CCDC7: variants seen among roughly 807,000 people sequenced by gnomAD.
CCDC7 encodes the protein coiled-coil domain containing 7.
CCDC7 carries 183 observed loss-of-function variants against 196.9 expected under a neutral mutation model. The observed-to-expected ratio is 0.93, with a 90% CI of 0.82 to 1.05. The LOEUF (loss-of-function observed/expected upper bound fraction) is 1.05. CCDC7 is among the 50% of genes least tolerant of loss of function. CCDC7 has a pLI of 0.00. For missense variants in CCDC7, 1,540 were observed against 1,482.2 expected (o/e 1.04, Z -0.64); for synonymous variants, 525 against 484.6 (o/e 1.08, Z -1.10).
At chr10:32,717,591 G>GT (rs201051105) in intron 25 of CCDC7, among the ~76,000 whole-genome samples, 4,590 of 151,592 alleles carry the variant, frequency 0.03, 96 homozygotes, top group Non-Finnish European at 0.049. Context: ...TTCAGGAGCT[G>GT]TTTTTTTGAA....
intron 18 of CCDC7, among the ~76,000 whole-genome samples, chr10:32,602,526 C>G (rs1005274152): frequency 4.6e-5 from 7 of 152,174 alleles, no homozygotes; most frequent in African/African-American, 1.7e-4. Flanking sequence ...TCTGACATCA[C>G]TATGCCTATT....
chr10:32,739,109 G>C (rs73261280), intron 28 of CCDC7, among the ~76,000 whole-genome samples: 8,070 of 151,880 alleles, frequency 0.053, 713 homozygotes, highest in African/African-American at 0.18. Flanking sequence ...CATATGATTA[G>C]GTCTAGACAT....
chr10:32,537,530 G>A (rs1293303415), intron 11 of CCDC7, among the ~76,000 whole-genome samples: 3 of 152,002 alleles, frequency 2.0e-5, no homozygotes, highest in African/African-American at 7.2e-5. Flanking sequence ...TGTTTTTGTC[G>A]AAATGGCTTT....
At chr10:32,816,133 C>A (rs2088452754) in intron 31 of CCDC7, among the ~76,000 whole-genome samples, 1 of 152,214 alleles carries the variant, frequency 6.6e-6, no homozygotes, top group South Asian at 2.1e-4. Context: ...GGGTCACTCC[C>A]ACCCTAATAC....
intron 13 of CCDC7, among the ~76,000 whole-genome samples, chr10:32,565,255 C>T (rs1422111376): frequency 6.6e-6 from 1 of 152,152 alleles, no homozygotes; most frequent in African/African-American, 2.4e-5. Context: ...AGAGGTTCTT[C>T]TTTTAGTAAA....
At chr10:32,583,055 C>T (rs2058899136) in exon 17 of CCDC7, 1 of 1,231,334 alleles carries the variant, frequency 8.1e-7, no homozygotes, top group African/African-American at 1.6e-5. Flanking sequence ...AACGATCTAG[C>T]CCTGCTATTT....
intron 2 of CCDC7, 109 bp downstream of exon 3, chr10:32,453,545 CAG>C: frequency 1.4e-6 from 1 of 690,274 alleles, no homozygotes; most frequent in South Asian, 6.9e-5. Context: ...ATTATATCCT[CAG>C]AATGAATTTC....
intron 21 of CCDC7, among the ~76,000 whole-genome samples, chr10:32,674,211 A>G (rs749764870): frequency 1.4e-4 from 21 of 149,024 alleles, no homozygotes; most frequent in Non-Finnish European, 2.5e-4. Context: ...AATATTTTTT[A>G]TAGTGATTAT....
chr10:32,726,948 C>G, intron 26 of CCDC7, 116 bp downstream of exon 27: 1 of 647,360 alleles, frequency 1.5e-6, no homozygotes. Flanking sequence ...AAATCGTAGA[C>G]TTTGCCCTGA....
chr10:32,806,926 A>G (rs1592956367), intron 30 of CCDC7, among the ~76,000 whole-genome samples: 1 of 152,184 alleles, frequency 6.6e-6, no homozygotes, highest in East Asian at 1.9e-4. Context: ...AAAGCTGACT[A>G]CTTATCATTA....
At chr10:32,533,238 AC>A (rs1407996023) in intron 11 of CCDC7, among the ~76,000 whole-genome samples, 1 of 80,280 alleles carries the variant, frequency 1.2e-5, no homozygotes, top group African/African-American at 4.1e-5. Context: ...AAGAATAGAA[AC>A]AAAGGAAACA....
chr10:32,480,002 T>A (rs1339794361), intron 8 of CCDC7, among the ~76,000 whole-genome samples: 2 of 152,250 alleles, frequency 1.3e-5, no homozygotes, highest in East Asian at 3.9e-4. Flanking sequence ...GTATAAATGT[T>A]CACAGTAGTC....
At chr10:32,727,899 A>G (rs1219791615) in intron 26 of CCDC7, among the ~76,000 whole-genome samples, 2 of 152,028 alleles carry the variant, frequency 1.3e-5, no homozygotes, top group South Asian at 2.1e-4. Flanking sequence ...CATCTCCTCT[A>G]TTGTTCTTAC....
intron 33 of CCDC7, among the ~76,000 whole-genome samples, chr10:32,838,414 GAATT>G (rs1245702928): frequency 6.6e-6 from 1 of 151,962 alleles, no homozygotes; most frequent in Non-Finnish European, 1.5e-5. Flanking sequence ...CAAGGGTTTT[GAATT>G]AATCCATCAA....
At chr10:32,836,307 A>C (rs903600653) in intron 33 of CCDC7, among the ~76,000 whole-genome samples, 11 of 152,170 alleles carry the variant, frequency 7.2e-5, no homozygotes, top group Non-Finnish European at 1.5e-4. Flanking sequence ...GTAGTAAAAT[A>C]GTCAAAAGAA....
intron 13 of CCDC7, among the ~76,000 whole-genome samples, chr10:32,559,034 G>C (rs2947080): frequency 0.39 from 58,632 of 152,134 alleles, 11,561 homozygotes; most frequent in East Asian, 0.58. Context: ...ATGGCTTGGA[G>C]GGTCGTACGC....
chr10:32,665,983 T>A (rs1027940118), intron 21 of CCDC7, among the ~76,000 whole-genome samples: 3 of 152,044 alleles, frequency 2.0e-5, no homozygotes, highest in Non-Finnish European at 2.9e-5. Context: ...ACTTTTTGAC[T>A]TCTTTTTCAG....
intron 24 of CCDC7, among the ~76,000 whole-genome samples, chr10:32,705,225 A>G (rs1057257329): frequency 1.3e-5 from 2 of 152,154 alleles, no homozygotes; most frequent in Non-Finnish European, 2.9e-5. Context: ...ACTAAGCTTC[A>G]TAAGTGAAGG....
At chr10:32,528,726 ATTT>A (rs1318068308) in intron 11 of CCDC7, among the ~76,000 whole-genome samples, 3 of 142,956 alleles carry the variant, frequency 2.1e-5, no homozygotes, top group African/African-American at 5.3e-5. Context: ...ATATATACGT[ATTT>A]ACGTATATAT....
Sources: allele counts gnomAD v4.1 joint callset (sites outside exome capture counted in the v4.1 genomes callset), GRCh38; gene constraint gnomAD v4.1.1; transcripts MANE v1.5; gene names NCBI Gene and HGNC (gene_info 2026-07-23, HGNC 2026-07-21).